HLTF: variants seen among roughly 807,000 people sequenced by gnomAD.
The protein encoded by HLTF is helicase like transcription factor.
In HLTF, 127 loss-of-function variants were observed where a neutral mutation model predicts 129.4. The ratio of observed to expected loss-of-function variants is 0.98; its 90% CI spans 0.85 to 1.14. The LOEUF (loss-of-function observed/expected upper bound fraction) is 1.14, where lower values mean the gene tolerates loss of function less well. Ranked by LOEUF, HLTF falls within the 50% of genes most tolerant of loss-of-function variation. The pLI is 0.00. For missense variants in HLTF, 1,139 were observed against 1,187.1 expected (o/e 0.96, Z 0.60); for synonymous variants, 332 against 388.8 (o/e 0.85, Z 1.72).
chr3:149,043,561 A>AC (rs1243678039), intron 18 of HLTF, among the ~76,000 whole-genome samples: 1 of 151,098 alleles, frequency 6.6e-6, no homozygotes, highest in African/African-American at 2.4e-5. Context: ...AAAAAAAAAA[A>AC]AAAAAAAACC....
chr3:149,072,366 T>C (rs1329731799), intron 5 of HLTF, among the ~76,000 whole-genome samples: 1 of 152,236 alleles, frequency 6.6e-6, no homozygotes, highest in Non-Finnish European at 1.5e-5. Context: ...ATTAAAATTC[T>C]GTGATGCTAT....
At chr3:149,054,030 T>G (rs1244326493) in intron 14 of HLTF, among the ~76,000 whole-genome samples, 3 of 151,958 alleles carry the variant, frequency 2.0e-5, no homozygotes. Context: ...AAGGTGTAAT[T>G]TAAAAAATAA....
At chr3:149,035,465 T>C (rs1384641705) in intron 23 of HLTF, among the ~76,000 whole-genome samples, 2 of 151,998 alleles carry the variant, frequency 1.3e-5, no homozygotes, top group Admixed American at 6.6e-5. Context: ...GGGTTTCTCC[T>C]GGCTAACACA....
rs1576562154 is a variant in HLTF at position 149,031,447 on chromosome 3, A to C, written c.*773T>G. ...CTATTTATAGAAATATCTATTTAGCAGTTCCATAATTTAAAATATTCAAAT... is the reference window on the plus strand; with the variant it reads ...CTATTTATAGAAATATCTATTTAGCCGTTCCATAATTTAAAATATTCAAAT... On this transcript the variant is annotated 3_prime_UTR_variant, in exon 25 of 25. Coordinates refer to ENST00000310053, the MANE Select transcript of HLTF (RefSeq NM_003071.4). 1.3e-5 allele frequency: 2 copies of C among 152,768 alleles called. No homozygotes were observed. Among genetic ancestry groups the C allele is most frequent in the South Asian group, 4.1e-4 (2 of 4,828 alleles). The allele number at this position is 152,768 out of a possible 1,614,324, so 9.5% of individuals were successfully genotyped here.
intron 3 of HLTF, 36 bp downstream of exon 3, chr3:149,075,845 C>G (rs1232092413): frequency 6.8e-7 from 1 of 1,479,664 alleles, no homozygotes; most frequent in East Asian, 2.3e-5. Context: ...GACTATAATT[C>G]ACAATTATTA....
rs1161257427 is a variant in HLTF at position 149,050,329 on chromosome 3, T to A, written c.1520A>T (p.Tyr507Phe). The change falls in exon 15 of 25, where the codon TAT (tyrosine) becomes TTT (phenylalanine). Residue 507 changes from tyrosine (Y) to phenylalanine (F), a missense_variant. Tyr to Phe is a conservative substitution (Grantham distance 22). Coordinates refer to ENST00000310053, the MANE Select transcript of HLTF (RefSeq NM_003071.4). ...HIKSDVHLNF[Y>F]VYYGPDRIRE... The stretch of plus-strand genomic sequence containing the variant: ...AATACGATCAGGACCATAATAAACA[T>A]AAAAATTCAAGTGTACATCTGATTT... 18 of 1,596,648 alleles carry A rather than the reference T, an allele frequency of 1.1e-5. No homozygotes were observed. The highest frequency in any genetic ancestry group is 1.5e-5 in the Non-Finnish European group (18 of 1,168,036).
At chr3:149,039,334 T>C (rs1225510842) in intron 22 of HLTF, 105 bp from the exon 23 acceptor site, 2 of 885,138 alleles carry the variant, frequency 2.3e-6, no homozygotes, top group African/African-American at 1.7e-5. Flanking sequence ...CACTCATTTA[T>C]TTTAACAAAT....
chr3:149,049,816 A>G (rs1418983659), intron 15 of HLTF, among the ~76,000 whole-genome samples: 1 of 152,164 alleles, frequency 6.6e-6, no homozygotes, highest in African/African-American at 2.4e-5. Context: ...AAGATGGTGA[A>G]ACCTCATCTC....
chr3:149,079,690 T>G (rs1188296351), intron 2 of HLTF, among the ~76,000 whole-genome samples: 1 of 152,126 alleles, frequency 6.6e-6, no homozygotes, highest in Non-Finnish European at 1.5e-5. Flanking sequence ...ACTCCCTAGT[T>G]CATGCGATTC....
intron 7 of HLTF, 43 bp downstream of exon 7, chr3:149,071,209 A>G: frequency 8.0e-7 from 1 of 1,252,572 alleles, no homozygotes; most frequent in Non-Finnish European, 1.1e-6. Flanking sequence ...GAAAATCATA[A>G]TCACAAAATT....
chr3:149,052,595 G>T (rs1040801770), intron 14 of HLTF, among the ~76,000 whole-genome samples: 1 of 152,146 alleles, frequency 6.6e-6, no homozygotes, highest in Admixed American at 6.5e-5. Context: ...CTCTGCAAAG[G>T]GAGTTTCTGT....
chr3:149,060,447 C>T (rs1014342050), intron 12 of HLTF, among the ~76,000 whole-genome samples, 196 bp downstream of exon 12: 5 of 152,006 alleles, frequency 3.3e-5, no homozygotes, highest in African/African-American at 1.2e-4. Flanking sequence ...TTTTAATTTG[C>T]AACTATTTAT....
At chr3:149,056,763 T>C (rs979517779) in intron 13 of HLTF, among the ~76,000 whole-genome samples, 4 of 152,222 alleles carry the variant, frequency 2.6e-5, no homozygotes, top group Non-Finnish European at 5.9e-5. Context: ...ACAATATGTT[T>C]GAACTATGTG....
At chr3:149,069,665 C>T (rs1718688632) in intron 7 of HLTF, among the ~76,000 whole-genome samples, 1 of 152,082 alleles carries the variant, frequency 6.6e-6, no homozygotes, top group Non-Finnish European at 1.5e-5. Flanking sequence ...GAGTTATAAG[C>T]TCAACTAGTC....
chr3:149,044,451 T>C (rs549447264), intron 18 of HLTF, among the ~76,000 whole-genome samples: 1 of 152,242 alleles, frequency 6.6e-6, no homozygotes, highest in East Asian at 1.9e-4. Context: ...TGCTAAATAT[T>C]AGAAGCTTCC....
intron 2 of HLTF, among the ~76,000 whole-genome samples, chr3:149,079,526 T>C (rs1719698393): frequency 9.8e-6 from 1 of 101,544 alleles, no homozygotes; most frequent in Non-Finnish European, 2.1e-5. Flanking sequence ...TATATAAAGA[T>C]ATAACTTGGA....
chr3:149,077,892 G>A (rs537455128), intron 2 of HLTF, among the ~76,000 whole-genome samples: 32 of 152,132 alleles, frequency 2.1e-4, no homozygotes, highest in Admixed American at 1.2e-3. Context: ...TCAGCTGACC[G>A]CTAAGCTAAC....
chr3:149,050,433 A>G, intron 14 of HLTF, 58 bp from the exon 15 acceptor site: 1 of 1,226,152 alleles, frequency 8.2e-7, no homozygotes, highest in Non-Finnish European at 1.1e-6. Flanking sequence ...GACTTAATAG[A>G]TGTATAAAAA....
chr3:149,040,814 G>C (rs781071752), intron 20 of HLTF, among the ~76,000 whole-genome samples: 13 of 152,180 alleles, frequency 8.5e-5, no homozygotes, highest in Non-Finnish European at 1.8e-4. Context: ...GCAGATACAG[G>C]AATATGTTTA....
Sources: gnomAD v4.1 joint callset for allele counts (sites outside exome capture counted in the v4.1 genomes callset) on GRCh38, gnomAD v4.1.1 for gene constraint, MANE v1.5 for transcripts, NCBI Gene and HGNC (gene_info 2026-07-23, HGNC 2026-07-21) for gene names.